Variants in OPCML observed in about 807,000 individuals in gnomAD.
The protein encoded by OPCML is opioid binding protein/cell adhesion molecule like.
In OPCML, 13 loss-of-function variants were observed where a neutral mutation model predicts 37.8. The ratio of observed to expected loss-of-function variants is 0.34; its 90% CI spans 0.22 to 0.55. The LOEUF is 0.55. Among genes scored for constraint, OPCML ranks in the 20% least tolerant of loss-of-function variants. The probability of loss-of-function intolerance (pLI) is 0.91; values close to 1 mark genes in which losing one functional copy is unlikely to be tolerated. For missense variants in OPCML, 341 were observed against 435.6 expected (o/e 0.78, Z 1.93); for synonymous variants, 176 against 168.8 (o/e 1.04, Z -0.33).
chr11:133,371,031 AAAG>A (rs1944662985), intron 1 of OPCML, among the ~76,000 whole-genome samples: 1 of 152,240 alleles, frequency 6.6e-6, no homozygotes, highest in South Asian at 2.1e-4. Flanking sequence ...ATATTTCTCA[AAAG>A]AAGACATACG....
intron 2 of OPCML, chr11:132,771,551 G>C (rs1212489813): frequency 6.6e-6 from 1 of 152,246 alleles, no homozygotes; most frequent in African/African-American, 2.4e-5. Context: ...GCTCCTGAGA[G>C]CCCCCACGAG....
intron 1 of OPCML, among the ~76,000 whole-genome samples, chr11:133,227,083 G>T (rs1231725809): frequency 6.6e-6 from 1 of 152,186 alleles, no homozygotes; most frequent in Non-Finnish European, 1.5e-5. Flanking sequence ...TCGTGTTAGG[G>T]GGGGGTGCTG....
intron 4 of OPCML, among the ~76,000 whole-genome samples, chr11:132,447,305 G>A (rs1350537048): frequency 2.0e-5 from 3 of 152,004 alleles, no homozygotes; most frequent in Non-Finnish European, 4.4e-5. Context: ...AATGTACTTT[G>A]TTTTCTTTTG....
chr11:133,398,029 C>G (rs879524965), intron 1 of OPCML, among the ~76,000 whole-genome samples: 5 of 152,152 alleles, frequency 3.3e-5, no homozygotes, highest in Non-Finnish European at 7.3e-5. Flanking sequence ...CTCACCTAGT[C>G]CCTCTTGTCG....
At chr11:133,204,544 C>T (rs538439942) in intron 1 of OPCML, among the ~76,000 whole-genome samples, 18 of 152,264 alleles carry the variant, frequency 1.2e-4, no homozygotes, top group African/African-American at 4.1e-4. Flanking sequence ...TGAACACACA[C>T]AAACCCACAA....
At chr11:133,488,373 C>A (rs1212706327) in intron 1 of OPCML, among the ~76,000 whole-genome samples, 4 of 152,058 alleles carry the variant, frequency 2.6e-5, no homozygotes, top group East Asian at 1.9e-4. Flanking sequence ...CTCTAGATAC[C>A]ACCAAAAATC....
At chr11:132,554,883 T>TTTTTTTTTTTTTTTTTTTC (rs1255603307) in intron 3 of OPCML, among the ~76,000 whole-genome samples, 12 of 125,740 alleles carry the variant, frequency 9.5e-5, no homozygotes, top group African/African-American at 1.4e-4. Context: ...TTTTTTTTTT[T>TTTTTTTTTTTTTTTTTTTC]TTTTTTTTCA....
chr11:132,549,231 T>G (rs2096375934), intron 3 of OPCML, among the ~76,000 whole-genome samples: 1 of 152,202 alleles, frequency 6.6e-6, no homozygotes, highest in South Asian at 2.1e-4. Context: ...TTATAATGCA[T>G]TAGCATGCTA....
At chr11:133,369,945 G>A (rs1287642006) in intron 1 of OPCML, among the ~76,000 whole-genome samples, 2 of 152,108 alleles carry the variant, frequency 1.3e-5, no homozygotes, top group Non-Finnish European at 2.9e-5. Flanking sequence ...CTTGGGGGAT[G>A]GAATTGAAGT....
intron 1 of OPCML, among the ~76,000 whole-genome samples, chr11:133,141,502 A>T (rs1378384617): frequency 6.6e-6 from 1 of 151,930 alleles, no homozygotes; most frequent in African/African-American, 2.4e-5. Flanking sequence ...CCTTATCTCT[A>T]TCTGTCTTCA....
At chr11:132,789,650 A>G (rs576760524) in intron 2 of OPCML, among the ~76,000 whole-genome samples, 1 of 152,338 alleles carries the variant, frequency 6.6e-6, no homozygotes, top group African/African-American at 2.4e-5. Flanking sequence ...AGAAAGAACA[A>G]TATTTTGCAT....
At chr11:132,828,446 T>C (rs1191512566) in intron 2 of OPCML, among the ~76,000 whole-genome samples, 2 of 152,086 alleles carry the variant, frequency 1.3e-5, no homozygotes, top group Admixed American at 1.3e-4. Context: ...AAATGAACCA[T>C]ACCGATGCAG....
At chr11:133,109,085 T>C (rs1439343824) in intron 1 of OPCML, among the ~76,000 whole-genome samples, 1 of 152,176 alleles carries the variant, frequency 6.6e-6, no homozygotes, top group Non-Finnish European at 1.5e-5. Flanking sequence ...TGAGGTTAAT[T>C]GGTTTCTCTA....
chr11:132,553,639 C>G (rs1391988954), intron 3 of OPCML, among the ~76,000 whole-genome samples: 1 of 152,150 alleles, frequency 6.6e-6, no homozygotes, highest in Non-Finnish European at 1.5e-5. Flanking sequence ...TCTTATAACA[C>G]TTTTAACAAA....
intron 4 of OPCML, among the ~76,000 whole-genome samples, chr11:132,495,345 T>G (rs1389149763): frequency 6.6e-6 from 1 of 152,066 alleles, no homozygotes; most frequent in Non-Finnish European, 1.5e-5. Flanking sequence ...AAACATACCC[T>G]AGAGATAAAG....
intron 1 of OPCML, among the ~76,000 whole-genome samples, chr11:133,281,253 G>A (rs1484043787): frequency 6.6e-6 from 1 of 152,130 alleles, no homozygotes; most frequent in Non-Finnish European, 1.5e-5. Flanking sequence ...TTGGAGGTGG[G>A]GCCTGGTGGG....
chr11:132,480,134 G>T (rs1428373540), intron 4 of OPCML, among the ~76,000 whole-genome samples: 1 of 152,084 alleles, frequency 6.6e-6, no homozygotes, highest in Non-Finnish European at 1.5e-5. Context: ...AAATTTAGAA[G>T]AATGTATAAC....
intron 2 of OPCML, chr11:132,772,142 G>A (rs2136125481): frequency 6.6e-6 from 1 of 152,306 alleles, no homozygotes; most frequent in Non-Finnish European, 1.5e-5. Flanking sequence ...AGATAAGATA[G>A]TAAGACAATA....
rs186283482 is a variant in OPCML at position 132,490,574 on chromosome 11, G to T, written c.505+38487C>A. Among the ~76,000 whole-genome samples the T allele has an allele frequency of 1.6e-4, 24 of 152,050 alleles. No individual in the cohort carries two copies. The East Asian group carries it at 4.7e-3, about 30-fold the overall frequency. On this transcript the variant is annotated intron_variant, in intron 4 of 7. Transcript: ENST00000524381. ...CTTTGAAATGAAGAACCTCCAGCAC[G>T]TTGGGAGGCCGAGGCGGGCGGATCG... is the stretch of plus-strand genomic sequence containing the variant.
Sources: allele counts gnomAD v4.1 joint callset (sites outside exome capture counted in the v4.1 genomes callset), GRCh38; gene constraint gnomAD v4.1.1; transcripts MANE v1.5; gene names NCBI Gene and HGNC (gene_info 2026-07-23, HGNC 2026-07-21).